ATF7IP: variants seen among roughly 807,000 people sequenced by gnomAD.
The protein encoded by ATF7IP is activating transcription factor 7 interacting protein.
A neutral mutation model predicts 106.4 loss-of-function variants in ATF7IP; 23 were observed. The ratio of observed to expected loss-of-function variants is 0.22; its 90% CI spans 0.16 to 0.31. The LOEUF (loss-of-function observed/expected upper bound fraction) is 0.31, where lower values mean the gene tolerates loss of function less well. Among genes scored for constraint, ATF7IP ranks in the 10% least tolerant of loss-of-function variants. ATF7IP has a pLI of 1.00. For missense variants in ATF7IP, 1,334 were observed against 1,524.3 expected (o/e 0.88, Z 2.08); for synonymous variants, 542 against 539.0 (o/e 1.01, Z -0.08).
intron 1 of ATF7IP, chr12:14,367,365 CTTCT>C (rs1432214095): frequency 6.6e-6 from 1 of 151,918 alleles, no homozygotes; most frequent in Non-Finnish European, 1.5e-5. Flanking sequence ...AGGAAAGATT[CTTCT>C]TTTTTTCTCA....
chr12:14,498,262 G>T lies in ATF7IP; in HGVS notation c.*189G>T. ...CCCACAAAGCTAGAATCTTTTCCTG[G>T]ACAGTTTAGGCTTTGGGGTTTGGAA... On this transcript the variant is annotated 3_prime_UTR_variant, in exon 15 of 15. Coordinates refer to ENST00000261168, the MANE Select transcript of ATF7IP (RefSeq NM_018179.5). 1.7e-6 allele frequency: 1 copy of T among 577,054 alleles called. No homozygotes were observed. The highest frequency in any genetic ancestry group is 2.9e-5 in the East Asian group (1 of 35,014). The allele number at this position is 577,054 out of a possible 1,614,324, so 35.7% of individuals were successfully genotyped here. A position where few individuals can be genotyped will look rare whatever the true frequency, so the allele number is the denominator to read the frequency against.
In ATF7IP at chr12:14,500,158, C is replaced by G. The variant is rs546805119; in HGVS notation, c.*2085C>G. 6.6e-6 allele frequency: 1 copy of G among 152,066 alleles called. No homozygotes were observed. Among genetic ancestry groups the G allele is most frequent in the Non-Finnish European group, 1.5e-5 (1 of 68,018 alleles). 9.4% of individuals were successfully genotyped at this position (152,066 alleles called of 1,614,324 possible). A position where few individuals can be genotyped will look rare whatever the true frequency, so the allele number is the denominator to read the frequency against. On this transcript the variant is annotated 3_prime_UTR_variant, in exon 15 of 15. Transcript: ENST00000261168. ...TTCTCAAAATAGTGATTCATTTTTC[C>G]TAGAATTACAGGAGGGAGCTCTTTT...
At chr12:14,485,921 G>A (rs565611756) in intron 13 of ATF7IP, among the ~76,000 whole-genome samples, 165 of 152,294 alleles carry the variant, frequency 1.1e-3, no homozygotes, top group African/African-American at 3.6e-3. Context: ...GGCAAGCACC[G>A]CCCCTGCATC....
At position 14,436,115 on chromosome 12, in the gene ATF7IP, C is replaced by A. The variant is rs1356685685; in HGVS notation, c.1655C>A (p.Ser552Tyr). 10 of 1,612,218 alleles carry A rather than the reference C, an allele frequency of 6.2e-6. 1 individual carries two copies. In the South Asian group the frequency reaches 9.9e-5, roughly 16 times the overall value. The change falls in exon 4 of 15, where the codon TCT (serine) becomes TAT (tyrosine). Residue 552 changes from serine (S) to tyrosine (Y), a missense_variant. This residue lies in a region of ATF7IP where 119 missense variants were observed against 117.8 expected (regional missense o/e 1.01). Coordinates refer to ENST00000261168, the MANE Select transcript of ATF7IP (RefSeq NM_018179.5). ...TGGTTTTCCTTCTCAGATGAATTTTCTAGACGAAAACGTTCTAAATCAGAA... is the reference window on the plus strand; with the variant it reads ...TGGTTTTCCTTCTCAGATGAATTTTATAGACGAAAACGTTCTAAATCAGAA... ...DERPSEKNEF[S>Y]RRKRSKSEDM...
intron 1 of ATF7IP, among the ~76,000 whole-genome samples, chr12:14,396,119 G>A (rs1482067791): frequency 6.6e-6 from 1 of 152,146 alleles, no homozygotes; most frequent in Non-Finnish European, 1.5e-5. Context: ...TGGAGGGTGG[G>A]TGAAGAGTTG....
In ATF7IP at chr12:14,436,101, C is replaced by T; in HGVS notation, c.1646-5C>T. ...GAGTGTGATCATTGTGGTTTTCCTT[C>T]TCAGATGAATTTTCTAGACGAAAAC... On this transcript the variant is annotated splice_region_variant and splice_polypyrimidine_tract_variant and intron_variant, in intron 3 of 14. Transcript: ENST00000261168. 6.2e-7 allele frequency: 1 copy of T among 1,611,904 alleles called. No homozygotes were observed. Among genetic ancestry groups the T allele is most frequent in the Non-Finnish European group, 8.5e-7 (1 of 1,178,958 alleles).
chr12:14,428,183 A>G (rs34492155), intron 2 of ATF7IP, among the ~76,000 whole-genome samples: 173 of 152,300 alleles, frequency 1.1e-3, no homozygotes, highest in Middle Eastern at 3.4e-3. Context: ...AGCAAATTGC[A>G]GCTTATGATT....
At chr12:14,460,412 T>C in intron 8 of ATF7IP, 83 bp from the exon 9 acceptor site, 1 of 1,333,520 alleles carries the variant, frequency 7.5e-7, no homozygotes, top group Non-Finnish European at 1.0e-6. Flanking sequence ...TTACGCAATG[T>C]ATTTAATTTG....
intron 1 of ATF7IP, among the ~76,000 whole-genome samples, chr12:14,403,833 C>T (rs1940398406): frequency 6.6e-6 from 1 of 152,062 alleles, no homozygotes; most frequent in African/African-American, 2.4e-5. Context: ...TAAATATTTT[C>T]ATGTGGCAGA....
intron 1 of ATF7IP, among the ~76,000 whole-genome samples, chr12:14,375,942 G>A (rs776904294): frequency 6.6e-6 from 1 of 152,050 alleles, no homozygotes; most frequent in African/African-American, 2.4e-5. Flanking sequence ...TGGAAAGGTC[G>A]GTTTCATATT....
Position 14,480,993 on chromosome 12 carries a change from C to T in ATF7IP, c.3098-10C>T, listed in dbSNP as rs1336099596. The T allele has an allele frequency of 1.9e-6, 3 of 1,611,892 alleles. No homozygotes were observed. The highest frequency in any genetic ancestry group is 2.7e-5 in the African/African-American group (2 of 74,946). The stretch of plus-strand genomic sequence containing the variant: ...CTGTATTCTTAATATCTTTTTCTGC[C>T]TTGCATTAGCTCCAACTACCGTGAA... On this transcript the variant is annotated splice_polypyrimidine_tract_variant and intron_variant, in intron 12 of 14. Coordinates refer to ENST00000261168, the MANE Select transcript of ATF7IP (RefSeq NM_018179.5).
intron 2 of ATF7IP, among the ~76,000 whole-genome samples, chr12:14,430,149 G>T (rs976464633): frequency 9.2e-5 from 14 of 152,200 alleles, no homozygotes; most frequent in Admixed American, 6.5e-5. Flanking sequence ...AGCCCCTGAG[G>T]TAGGAAGAAA....
intron 2 of ATF7IP, among the ~76,000 whole-genome samples, chr12:14,426,796 C>A (rs1326508899): frequency 1.5e-5 from 2 of 131,658 alleles, no homozygotes; most frequent in Non-Finnish European, 3.1e-5. Context: ...ACTACTCCAG[C>A]CTGGGTGACA....
chr12:14,435,723 C>A (rs1942373028), intron 3 of ATF7IP, among the ~76,000 whole-genome samples: 2 of 152,154 alleles, frequency 1.3e-5, no homozygotes, highest in Admixed American at 1.3e-4. Context: ...AGTTAAAAAT[C>A]TGACATGAGA....
chr12:14,397,324 A>G (rs774500273), intron 1 of ATF7IP, among the ~76,000 whole-genome samples: 3 of 152,218 alleles, frequency 2.0e-5, no homozygotes, highest in Non-Finnish European at 4.4e-5. Context: ...TCCTTTTAAG[A>G]AAGAAAATGT....
intron 2 of ATF7IP, among the ~76,000 whole-genome samples, chr12:14,427,008 A>G (rs1229557805): frequency 6.6e-6 from 1 of 152,160 alleles, no homozygotes; most frequent in Non-Finnish European, 1.5e-5. Context: ...GAGTACAGTG[A>G]TAATGTTAAA....
At chr12:14,484,846 T>A (rs1944546542) in intron 13 of ATF7IP, among the ~76,000 whole-genome samples, 1 of 152,208 alleles carries the variant, frequency 6.6e-6, no homozygotes, top group African/African-American at 2.4e-5. Context: ...CTGCTGTGCA[T>A]GACCCGCTTT....
intron 13 of ATF7IP, among the ~76,000 whole-genome samples, chr12:14,495,950 T>C (rs1378318612): frequency 6.6e-6 from 1 of 152,188 alleles, no homozygotes; most frequent in Non-Finnish European, 1.5e-5. Flanking sequence ...GTTTTTCTCT[T>C]TATTTTCTCA....
intron 6 of ATF7IP, among the ~76,000 whole-genome samples, chr12:14,450,130 T>A (rs961507341): frequency 1.3e-5 from 2 of 151,080 alleles, no homozygotes; most frequent in African/African-American, 4.8e-5. Flanking sequence ...TATTTATACT[T>A]CTTTTTCTGA....
Sources: gnomAD v4.1 joint callset for allele counts (sites outside exome capture counted in the v4.1 genomes callset) on GRCh38, gnomAD v4.1.1 for gene constraint, gnomAD v4.1.1 regional missense constraint, MANE v1.5 for transcripts, NCBI Gene and HGNC (gene_info 2026-07-23, HGNC 2026-07-21) for gene names.